The following KLC1 variants were observed in gnomAD, a reference collection of about 807,000 sequenced individuals.
KLC1 encodes kinesin 2 60/70kDa.
Under a neutral mutation model 84.2 loss-of-function variants are expected in KLC1, and 30 were observed. That is an observed-to-expected ratio of 0.36 (90% CI 0.27 to 0.48). The LOEUF is 0.48. Ranked by LOEUF, KLC1 falls within the 20% of genes least tolerant of loss-of-function variation. The pLI, the probability that KLC1 is intolerant of heterozygous loss-of-function variation, is 0.99. For synonymous variants in KLC1, 289 were observed against 293.3 expected (o/e 0.99, Z 0.15); for missense variants, 499 against 805.4 (o/e 0.62, Z 4.60).
chr14:103,672,141 T>C (rs906828181), intron 7 of KLC1, among the ~76,000 whole-genome samples: 11 of 152,002 alleles, frequency 7.2e-5, no homozygotes, highest in African/African-American at 1.4e-4. Flanking sequence ...CCAGGGGGTG[T>C]TGGGGATGGT....
At chr14:103,692,994 TCCG>T (rs2151859369) in intron 15 of KLC1, among the ~76,000 whole-genome samples, 1 of 152,314 alleles carries the variant, frequency 6.6e-6, no homozygotes, top group South Asian at 2.1e-4. Flanking sequence ...TTTCATCCAC[TCCG>T]CCCTTTGGTG....
Position 103,687,240 on chromosome 14 carries a change from C to T in KLC1, c.1781+29C>T, listed in dbSNP as rs549411445. On this transcript the variant is annotated intron_variant, in intron 14 of 16. Coordinates refer to ENST00000334553, the MANE Select transcript of KLC1 (RefSeq NM_001394837.1). The stretch of plus-strand genomic sequence containing the variant: ...ACTATCTCTTCCAGCTCTCCCGACT[C>T]CCTGCACGCCGGCTGCTGGGCCGCT... 4.9e-5 allele frequency: 74 copies of T among 1,511,390 alleles called. No homozygotes were observed. In the South Asian group the frequency reaches 7.9e-4, roughly 16 times the overall value. The allele number at this position is 1,511,390 out of a possible 1,614,324, so 93.6% of individuals were successfully genotyped here. A position where few individuals can be genotyped will look rare whatever the true frequency, so the allele number is the denominator to read the frequency against.
At chr14:103,639,736 G>A (rs1045709807) in intron 1 of KLC1, among the ~76,000 whole-genome samples, 5 of 152,096 alleles carry the variant, frequency 3.3e-5, no homozygotes, top group South Asian at 2.1e-4. Context: ...CACCACACCC[G>A]GCCCAGATGT....
chr14:103,648,866 G>A (rs542613363), intron 1 of KLC1, among the ~76,000 whole-genome samples: 1 of 152,350 alleles, frequency 6.6e-6, no homozygotes, highest in South Asian at 2.1e-4. Flanking sequence ...GCTGGGTGCA[G>A]TGGCTCATGC....
At chr14:103,698,776 C>CT in intron 15 of KLC1, 1 of 1,572,388 alleles carries the variant, frequency 6.4e-7, no homozygotes, top group Non-Finnish European at 8.6e-7. Context: ...TCAGGCAGGG[C>CT]TGTTGTGCAG....
rs768631142 is a variant in KLC1, at chr14:103,654,551, T to C, written c.-1-13T>C. 3 of 1,568,568 alleles carry C rather than the reference T, an allele frequency of 1.9e-6. No homozygotes were observed. The South Asian group carries it at 3.6e-5, about 19-fold the overall frequency. On this transcript the variant is annotated splice_polypyrimidine_tract_variant and intron_variant, in intron 1 of 16. Transcript: ENST00000334553. ...AATGAGGGATCTAATTTCTTTTTCT[T>C]TTTTCATTCCAGAATGTATGACAAC...
At chr14:103,681,515 A>G (rs1418302655) in intron 13 of KLC1, among the ~76,000 whole-genome samples, 1 of 151,262 alleles carries the variant, frequency 6.6e-6, no homozygotes, top group Admixed American at 6.6e-5. Context: ...GCTGGAGTGC[A>G]GTCACGCTAT....
At position 103,693,820 on chromosome 14, in the gene KLC1, G is replaced by T; in HGVS notation, c.1848+1395G>T. 1 of 1,396,290 alleles carries T rather than the reference G, an allele frequency of 7.2e-7. No homozygotes were observed. The highest frequency in any genetic ancestry group is 9.3e-7 in the Non-Finnish European group (1 of 1,078,690). 86.5% of individuals were successfully genotyped at this position (1,396,290 alleles called of 1,614,324 possible). A position where few individuals can be genotyped will look rare whatever the true frequency, so the allele number is the denominator to read the frequency against. On this transcript the variant is annotated intron_variant, in intron 15 of 16. Transcript: ENST00000334553. The surrounding 1 kb of genome is among the most constrained non-coding windows in gnomAD (Gnocchi z 5.1). ...TTCTGTTACTCGGCCTGCAGCCCCA[G>T]TGCCAGGAGCCACCCCGACCGCGAC...
At chr14:103,649,858 G>A (rs1344056201) in intron 1 of KLC1, among the ~76,000 whole-genome samples, 1 of 152,044 alleles carries the variant, frequency 6.6e-6, no homozygotes, top group Non-Finnish European at 1.5e-5. Context: ...ATCGCGCCCG[G>A]CTAATTTTTT....
intron 15 of KLC1, chr14:103,695,114 T>A (rs1273001485): frequency 1.0e-6 from 1 of 984,646 alleles, no homozygotes; most frequent in Non-Finnish European, 1.2e-6. Flanking sequence ...GAAAATTTCA[T>A]AGGTTCTGTA....
rs2080829526 is a variant in KLC1 at position 103,675,853 on chromosome 14, TC to T, written c.1379+99del. On this transcript the variant is annotated intron_variant, in intron 11 of 16. Coordinates refer to ENST00000334553, the MANE Select transcript of KLC1 (RefSeq NM_001394837.1). ...CTTATAAATGACCAATGTGTAGTGT[TC>T]CTTAAGTGCACAGTCCCATGTTTTT... is the stretch of plus-strand genomic sequence containing the variant. The T allele has an allele frequency of 1.3e-5, 12 of 938,088 alleles. No individual in the cohort carries two copies. In the East Asian group the frequency reaches 2.9e-4, roughly 23 times the overall value. 58.1% of individuals were successfully genotyped at this position (938,088 alleles called of 1,614,324 possible). A position where few individuals can be genotyped will look rare whatever the true frequency, so the allele number is the denominator to read the frequency against.
intron 3 of KLC1, among the ~76,000 whole-genome samples, chr14:103,659,749 C>T (rs917007069): frequency 6.6e-6 from 1 of 152,084 alleles, no homozygotes; most frequent in Non-Finnish European, 1.5e-5. Context: ...CCTGCATTTC[C>T]CCTCTGTCTT....
chr14:103,662,169 T>A lies in KLC1; in HGVS notation c.546T>A (p.Asn182Lys), dbSNP rs1242143873. 6 of 1,613,752 alleles carry A rather than the reference T, an allele frequency of 3.7e-6. No homozygotes were observed. The highest frequency in any genetic ancestry group is 2.2e-5 in the East Asian group (1 of 44,874). The change falls in exon 4 of 17, where the codon AAT becomes AAA. Residue 182 changes from asparagine (N) to lysine (K), a missense_variant. This residue lies in a region of KLC1 where 179 missense variants were observed against 264.2 expected (regional missense o/e 0.68). Transcript: ENST00000334553. ...TKEPLDDLFP[N>K]DEDDPGQGIQ... ...AGCCTCTGGATGACCTTTTCCCCAA[T>A]GATGAAGACGACCCAGGGCAAGGAA... is the stretch of plus-strand genomic sequence containing the variant.
intron 1 of KLC1, among the ~76,000 whole-genome samples, chr14:103,651,274 C>T (rs907104671): frequency 7.9e-5 from 12 of 152,200 alleles, no homozygotes; most frequent in African/African-American, 2.4e-5. Flanking sequence ...TCCCAGAGTG[C>T]TAGGATTACA....
intron 13 of KLC1, chr14:103,683,997 G>A (rs2081578377): frequency 1.3e-5 from 2 of 152,208 alleles, no homozygotes; most frequent in South Asian, 4.1e-4. Context: ...GGCCAACATG[G>A]CGAAAACTCG....
intron 12 of KLC1, chr14:103,679,169 A>T (rs910064305): frequency 3.2e-6 from 2 of 622,028 alleles, no homozygotes; most frequent in African/African-American, 3.7e-5. Flanking sequence ...ACCCTGTGCA[A>T]TCCCAGCCCC....
chr14:103,674,841 T>C (rs2080744427), intron 9 of KLC1, among the ~76,000 whole-genome samples: 4 of 152,254 alleles, frequency 2.6e-5, no homozygotes. Flanking sequence ...GCTGGCATTT[T>C]AGAAATTACA....
At chr14:103,636,817 G>T (rs968873534) in intron 1 of KLC1, among the ~76,000 whole-genome samples, 4 of 151,824 alleles carry the variant, frequency 2.6e-5, no homozygotes, top group Non-Finnish European at 4.4e-5. Flanking sequence ...CTGCCTCCCG[G>T]GTTCACGCCA....
At chr14:103,673,748 C>T (rs2080624814) in intron 9 of KLC1, among the ~76,000 whole-genome samples, 1 of 152,004 alleles carries the variant, frequency 6.6e-6, no homozygotes, top group Non-Finnish European at 1.5e-5. Context: ...ACAGTGAAAC[C>T]CCGTCTCTAC....
Sources: gnomAD v4.1 joint callset for allele counts (sites outside exome capture counted in the v4.1 genomes callset) on GRCh38, gnomAD v4.1.1 for gene constraint, gnomAD v4.1.1 regional missense constraint, Gnocchi (gnomAD v3.1) non-coding constraint, MANE v1.5 for transcripts, NCBI Gene and HGNC (gene_info 2026-07-23, HGNC 2026-07-21) for gene names.